Variants in TAF8 observed in about 807,000 individuals in gnomAD.
TAF8 encodes transcription initiation factor TFIID subunit 8.
TAF8 carries 47 observed loss-of-function variants against 36.5 expected under a neutral mutation model. The ratio of observed to expected loss-of-function variants is 1.29; its 90% CI spans 1.02 to 1.64. TAF8 has a LOEUF of 1.64. Among genes scored for constraint, TAF8 ranks in the 40% most tolerant of loss-of-function variants. TAF8 has a pLI of 0.00. For synonymous variants in TAF8, 175 were observed against 159.5 expected, an observed-to-expected ratio of 1.10 and a Z score of -0.73; for missense variants, 420 against 407.6, an observed-to-expected ratio of 1.03 and a Z score of -0.26.
In TAF8 at chr6:42,077,995, A is replaced by T. The variant is rs571053501; in HGVS notation, c.*450A>T. On this transcript the variant is annotated 3_prime_UTR_variant, in exon 9 of 9. Coordinates refer to ENST00000372977, the MANE Select transcript of TAF8 (RefSeq NM_138572.3). ...GGTCTTGAACTCCTGACCTCAAGTG[A>T]TCCACCCGCATTGGCCTCCCAAAGA... 3.7e-5 allele frequency: 7 copies of T among 189,866 alleles called. No individual in the cohort carries two copies. The South Asian group carries it at 1.0e-3, about 28-fold the overall frequency. 11.8% of individuals were successfully genotyped at this position (189,866 alleles called of 1,614,324 possible). A position where few individuals can be genotyped will look rare whatever the true frequency, so the allele number is the denominator to read the frequency against.
intron 5 of TAF8, chr6:42,063,096 G>A (rs1765240994): frequency 6.6e-6 from 1 of 152,080 alleles, no homozygotes; most frequent in South Asian, 2.1e-4. Context: ...TATCAAAAAT[G>A]TTTTTTTGTG....
At chr6:42,065,260 C>T (rs956759667) in intron 5 of TAF8, among the ~76,000 whole-genome samples, 3 of 151,108 alleles carry the variant, frequency 2.0e-5, no homozygotes, top group Non-Finnish European at 4.4e-5. Flanking sequence ...GCAGGAGAAT[C>T]GCTTGAACCC....
rs965740493 is a variant in TAF8, at chr6:42,079,667, A to G, written c.*2122A>G. The G allele has an allele frequency of 2.1e-5, 16 of 777,624 alleles. No individual in the cohort carries two copies. The highest frequency in any genetic ancestry group is 2.3e-5 in the Non-Finnish European group (15 of 641,154). The allele number at this position is 777,624 out of a possible 1,614,324, so 48.2% of individuals were successfully genotyped here. On this transcript the variant is annotated 3_prime_UTR_variant, in exon 9 of 9. Transcript: ENST00000372977. Reference sequence around the variant, plus strand: ...AACCTCCACTCCCCGGGTTCAAGCAATTCTCAGAGTAGCTGGGATTACAGA... The same window carrying G: ...AACCTCCACTCCCCGGGTTCAAGCAGTTCTCAGAGTAGCTGGGATTACAGA...
Position 42,051,494 on chromosome 6 carries a change from G to C in TAF8, c.183G>C (p.Leu61=). The C allele has an allele frequency of 6.2e-7, 1 of 1,614,042 alleles. No homozygotes were observed. Among genetic ancestry groups the C allele is most frequent in the African/African-American group, 1.3e-5 (1 of 75,052 alleles). The change falls in exon 2 of 9, where the codon CTG becomes CTC. Residue 61 remains leucine (L), a synonymous_variant. Transcript: ENST00000372977. ...ESAEKASVET[L]TEMLQSYISE... ...CCGAGAAAGCATCCGTGGAAACGCT[G>C]ACAGAGATGCTGCAGAGCTGTGAGT...
At chr6:42,054,495 C>G (rs1046819869) in intron 2 of TAF8, among the ~76,000 whole-genome samples, 2 of 152,246 alleles carry the variant, frequency 1.3e-5, no homozygotes, top group African/African-American at 4.8e-5. Flanking sequence ...CTCCCTCCCC[C>G]TCCATCCCCT....
At chr6:42,085,270 A>G (rs1766010190), downstream of TAF8, among the ~76,000 whole-genome samples, 2 of 152,142 alleles carry the variant, frequency 1.3e-5, no homozygotes, top group Non-Finnish European at 2.9e-5. Context: ...TCTTATCCTA[A>G]CTTATGACCG....
intron 5 of TAF8, among the ~76,000 whole-genome samples, chr6:42,062,446 T>C (rs552293242): frequency 6.6e-6 from 1 of 152,094 alleles, no homozygotes; most frequent in South Asian, 2.1e-4. Context: ...ACAGAATTTT[T>C]ACACGATCAA....
intron 5 of TAF8, among the ~76,000 whole-genome samples, chr6:42,062,951 G>A (rs952914043): frequency 1.3e-5 from 2 of 152,018 alleles, no homozygotes; most frequent in Non-Finnish European, 2.9e-5. Context: ...GTCTTCCTGT[G>A]GCCAGCTTCT....
rs552768030 is a variant in TAF8 at position 42,076,683 on chromosome 6, G to A, written c.781-417G>A. On this transcript the variant is annotated intron_variant, in intron 7 of 8. Coordinates refer to ENST00000372977, the MANE Select transcript of TAF8 (RefSeq NM_138572.3). ...TCTATCTAGCTTGGCCAGGAGATGC[G>A]CTATGCAGATGATGTGTTCTGATCC... Among the ~76,000 whole-genome samples, 24 of 152,260 alleles carry A rather than the reference G, an allele frequency of 1.6e-4. No homozygotes were observed. In the East Asian group the frequency reaches 2.9e-3, roughly 18 times the overall value.
chr6:42,085,859 C>T (rs1766016669), downstream of TAF8, among the ~76,000 whole-genome samples: 1 of 152,180 alleles, frequency 6.6e-6, no homozygotes. Context: ...GTGGCGGATG[C>T]CTGTAATCCC....
Position 42,051,395 on chromosome 6 carries a change from C to T in TAF8, c.84C>T (p.Asn28=). The change falls in exon 2 of 9, where the codon AAC becomes AAT. Residue 28 remains asparagine (N), a synonymous_variant. Coordinates refer to ENST00000372977, the MANE Select transcript of TAF8 (RefSeq NM_138572.3). ...AACAGTCCACTAACCCTGCCGATAA[C>T]TATCATCTGGCCCGGAGGAGAACCC... ...GSKQSTNPAD[N]YHLARRRTLQ... is the part of the protein sequence containing the mutation. 1.2e-6 allele frequency: 2 copies of T among 1,614,166 alleles called. No individual in the cohort carries two copies. The highest frequency in any genetic ancestry group is 1.7e-6 in the Non-Finnish European group (2 of 1,180,012).
chr6:42,059,864 A>G (rs1263188691), intron 5 of TAF8, among the ~76,000 whole-genome samples: 2 of 152,172 alleles, frequency 1.3e-5, no homozygotes, highest in Non-Finnish European at 2.9e-5. Context: ...TTTGGGTTTT[A>G]TAACACCTTA....
At chr6:42,067,140 A>C (rs375882997) in intron 6 of TAF8, among the ~76,000 whole-genome samples, 1 of 152,226 alleles carries the variant, frequency 6.6e-6, no homozygotes, top group Non-Finnish European at 1.5e-5. Context: ...TCCTCAAGGA[A>C]CATGGCTAGT....
intron 5 of TAF8, chr6:42,063,283 C>T (rs1765246625): frequency 1.3e-5 from 2 of 152,238 alleles, no homozygotes; most frequent in South Asian, 4.2e-4. Context: ...CCACCTCAAC[C>T]TCCCGAGTAG....
chr6:42,057,059 A>G (rs894921954), intron 4 of TAF8, among the ~76,000 whole-genome samples: 2 of 152,136 alleles, frequency 1.3e-5, no homozygotes, highest in Non-Finnish European at 2.9e-5. Context: ...TTGTTATCCA[A>G]GGTCTCTGAA....
chr6:42,078,078 A>G lies in TAF8; in HGVS notation c.*533A>G, dbSNP rs953563180. On this transcript the variant is annotated 3_prime_UTR_variant, in exon 9 of 9. Transcript: ENST00000372977. ...GCTAATTTTTGTATTTTTAATAGAGATAAGGTTTCGCCATGTTGGCCAGGC... is the reference window on the plus strand; with the variant it reads ...GCTAATTTTTGTATTTTTAATAGAGGTAAGGTTTCGCCATGTTGGCCAGGC... 4 of 342,190 alleles carry G rather than the reference A, an allele frequency of 1.2e-5. No homozygotes were observed. Among genetic ancestry groups the G allele is most frequent in the Non-Finnish European group, 1.7e-5 (4 of 241,470 alleles). The allele number at this position is 342,190 out of a possible 1,614,324, so 21.2% of individuals were successfully genotyped here. A position where few individuals can be genotyped will look rare whatever the true frequency, so the allele number is the denominator to read the frequency against.
downstream of TAF8, among the ~76,000 whole-genome samples, chr6:42,084,175 TG>T (rs1391475058): frequency 1.6e-5 from 2 of 123,472 alleles, no homozygotes; most frequent in Non-Finnish European, 3.3e-5. Context: ...AGCGAGACTC[TG>T]TCTCAAAAAA....
chr6:42,059,801 A>T (rs1464783363), intron 5 of TAF8, among the ~76,000 whole-genome samples: 1 of 152,124 alleles, frequency 6.6e-6, no homozygotes, highest in Non-Finnish European at 1.5e-5. Flanking sequence ...GTTAAGTTAG[A>T]TCTCTTTCAC....
Position 42,050,580 on chromosome 6 carries a change from C to A in TAF8, c.39C>A (p.Ser13=). 1 of 1,556,568 alleles carries A rather than the reference C, an allele frequency of 6.4e-7. No individual in the cohort carries two copies. The highest frequency in any genetic ancestry group is 8.7e-7 in the Non-Finnish European group (1 of 1,150,680). ...DAAATAGAGG[S]GTRSGSKQST... ...CGGCCACAGCTGGGGCCGGTGGCTC[C>A]GGAACGGTAAGGGCAGGAAGCGCGG... is the stretch of plus-strand genomic sequence containing the variant. Residue 13 remains serine, a synonymous_variant, in exon 1 of 9, where the codon TCC becomes TCA. Coordinates refer to ENST00000372977, the MANE Select transcript of TAF8 (RefSeq NM_138572.3).
Sources: gnomAD v4.1 joint callset for allele counts (sites outside exome capture counted in the v4.1 genomes callset) on GRCh38, gnomAD v4.1.1 for gene constraint, MANE v1.5 for transcripts, NCBI Gene and HGNC (gene_info 2026-07-23, HGNC 2026-07-21) for gene names.